Variants in IRAK1BP1 observed in about 807,000 individuals in gnomAD.
IRAK1BP1 encodes interleukin-1 receptor-associated kinase 1-binding protein 1.
A neutral mutation model predicts 28.0 loss-of-function variants in IRAK1BP1; 24 were observed. The observed-to-expected ratio is 0.86, with a 90% confidence interval of 0.62 to 1.20. The LOEUF is 1.20. Among genes scored for constraint, IRAK1BP1 ranks in the 50% most tolerant of loss-of-function variants. The probability of loss-of-function intolerance (pLI) is 0.00; values close to 1 mark genes in which losing one functional copy is unlikely to be tolerated. For synonymous variants in IRAK1BP1, 131 were observed against 116.3 expected, an observed-to-expected ratio of 1.13 and a Z score of -0.81; for missense variants, 336 against 316.7, an observed-to-expected ratio of 1.06 and a Z score of -0.46.
intron 4 of IRAK1BP1, among the ~76,000 whole-genome samples, chr6:78,928,547 T>C (rs954491090): frequency 2.1e-4 from 32 of 152,126 alleles, no homozygotes; most frequent in Admixed American, 1.6e-3. Context: ...GCCAGGACTT[T>C]CAGTACTATG....
chr6:78,966,339 G>C, the IRAK1BP1 span, among the ~76,000 whole-genome samples: 1 of 152,098 alleles, frequency 6.6e-6, no homozygotes, highest in Non-Finnish European at 1.5e-5. Flanking sequence ...TACCAATCTA[G>C]CATTTGAAAT....
intron 4 of IRAK1BP1, among the ~76,000 whole-genome samples, chr6:78,927,015 C>T (rs1772907264): frequency 6.6e-6 from 1 of 152,102 alleles, no homozygotes; most frequent in Admixed American, 6.6e-5. Flanking sequence ...CATGGAAGTT[C>T]AGGTATCTCT....
At chr6:78,873,924 A>C (rs1317708260) in intron 1 of IRAK1BP1, among the ~76,000 whole-genome samples, 2 of 152,206 alleles carry the variant, frequency 1.3e-5, no homozygotes, top group Non-Finnish European at 2.9e-5. Flanking sequence ...CATTTACTGA[A>C]GTCTGTCTTT....
At chr6:78,954,841 A>T in the IRAK1BP1 span, 2 of 1,581,638 alleles carry the variant, frequency 1.3e-6, no homozygotes, top group Non-Finnish European at 1.7e-6. Flanking sequence ...CTACCGGCTG[A>T]CGGAAAGGCT....
chr6:78,921,202 T>C (rs1032807553), intron 4 of IRAK1BP1, among the ~76,000 whole-genome samples: 1 of 152,140 alleles, frequency 6.6e-6, no homozygotes, highest in Non-Finnish European at 1.5e-5. Context: ...AGATGGCAAC[T>C]AGAAAATCGG....
exon 5 of IRAK1BP1, chr6:78,946,085 C>G (rs138108985): frequency 1.2e-6 from 2 of 1,613,510 alleles, no homozygotes; most frequent in Non-Finnish European, 1.7e-6. Flanking sequence ...TCAGTGACAA[C>G]TGGATCTACA....
At chr6:78,875,819 T>C (rs1353101910) in intron 1 of IRAK1BP1, among the ~76,000 whole-genome samples, 1 of 152,152 alleles carries the variant, frequency 6.6e-6, no homozygotes, top group Non-Finnish European at 1.5e-5. Flanking sequence ...CATCACGCAA[T>C]GTACCCATGT....
intron 4 of IRAK1BP1, among the ~76,000 whole-genome samples, chr6:78,943,989 TTAA>T (rs1291808776): frequency 3.0e-3 from 139 of 46,846 alleles, no homozygotes; most frequent in African/African-American, 9.4e-3. Flanking sequence ...CTGTCTTTTT[TTAA>T]AAAAAAAAAA....
rs1181941691 is a variant in IRAK1BP1, at chr6:78,902,761, A to T, written c.*4427A>T. 3 of 357,362 alleles carry T rather than the reference A, an allele frequency of 8.4e-6. No homozygotes were observed. Among genetic ancestry groups the T allele is most frequent in the Admixed American group, 4.4e-5 (1 of 22,536 alleles). 22.1% of individuals were successfully genotyped at this position (357,362 alleles called of 1,614,324 possible). On this transcript the variant is annotated 3_prime_UTR_variant, in exon 4 of 4. Transcript: ENST00000369940. The stretch of plus-strand genomic sequence containing the variant: ...ACTTCAGCCTGGGTGACAAAGTGAG[A>T]CTCCATCTACATACATACATACATA...
the IRAK1BP1 span, chr6:78,958,275 T>G: frequency 2.5e-6 from 1 of 406,646 alleles, no homozygotes; most frequent in African/African-American, 2.0e-5. Flanking sequence ...TTCTTATTAT[T>G]AGCCAATGAA....
At chr6:78,940,030 T>C (rs1386764434) in intron 4 of IRAK1BP1, 1 of 150,546 alleles carries the variant, frequency 6.6e-6, no homozygotes, top group East Asian at 2.0e-4. Context: ...GACAGTCAAA[T>C]GTTTTCCAAT....
At chr6:78,926,956 A>G (rs546263687) in intron 4 of IRAK1BP1, among the ~76,000 whole-genome samples, 1 of 152,236 alleles carries the variant, frequency 6.6e-6, no homozygotes, top group Admixed American at 6.5e-5. Context: ...GTTGATGGAC[A>G]CTTAGGTTCC....
chr6:78,879,251 A>G (rs1771129411), intron 1 of IRAK1BP1, among the ~76,000 whole-genome samples: 1 of 152,130 alleles, frequency 6.6e-6, no homozygotes. Flanking sequence ...CCTAATGTAA[A>G]TGACGAGTTA....
At chr6:78,927,111 G>C (rs949140691) in intron 4 of IRAK1BP1, among the ~76,000 whole-genome samples, 4 of 151,922 alleles carry the variant, frequency 2.6e-5, no homozygotes, top group Non-Finnish European at 5.9e-5. Context: ...TTAGTTTTTT[G>C]AGGAACCTCC....
At chr6:78,974,675 A>T in the IRAK1BP1 span, among the ~76,000 whole-genome samples, 16 of 152,228 alleles carry the variant, frequency 1.1e-4, no homozygotes, top group Non-Finnish European at 1.5e-4. Flanking sequence ...ATGCAATAAA[A>T]AATGATAAAG....
At chr6:78,918,837 G>C (rs996386198) in intron 4 of IRAK1BP1, among the ~76,000 whole-genome samples, 3 of 152,134 alleles carry the variant, frequency 2.0e-5, no homozygotes, top group African/African-American at 7.2e-5. Flanking sequence ...ACTTAAATTA[G>C]ATACTTGACA....
At chr6:78,930,032 G>A (rs80169373) in intron 4 of IRAK1BP1, among the ~76,000 whole-genome samples, 3,645 of 152,168 alleles carry the variant, frequency 0.024, 74 homozygotes, top group Non-Finnish European at 0.038. Context: ...AACCTCCTGG[G>A]CTCAAGCATT....
chr6:78,965,414 T>C, the IRAK1BP1 span, among the ~76,000 whole-genome samples: 1 of 152,226 alleles, frequency 6.6e-6, no homozygotes, highest in African/African-American at 2.4e-5. Context: ...CAAAAGTGTC[T>C]CTGCCTCCCA....
At chr6:78,947,247 C>T (rs146282113), downstream of IRAK1BP1, among the ~76,000 whole-genome samples, 5 of 152,222 alleles carry the variant, frequency 3.3e-5, no homozygotes, top group East Asian at 9.7e-4. Flanking sequence ...ATATAGCACT[C>T]CTTTGTGATG....
Sources: gnomAD v4.1 joint callset for allele counts (sites outside exome capture counted in the v4.1 genomes callset) on GRCh38, gnomAD v4.1.1 for gene constraint, MANE v1.5 for transcripts, NCBI Gene and HGNC (gene_info 2026-07-23, HGNC 2026-07-21) for gene names.